Variants in MGRN1 observed in about 807,000 individuals in gnomAD.
MGRN1 encodes the protein E3 ubiquitin-protein ligase MGRN1.
MGRN1 carries 29 observed loss-of-function variants against 69.2 expected under a neutral mutation model. The ratio of observed to expected loss-of-function variants is 0.42; its 90% CI spans 0.31 to 0.57. The LOEUF is 0.57. MGRN1 is among the 20% of genes least tolerant of loss of function. MGRN1 has a pLI of 0.15. For synonymous variants in MGRN1, 470 were observed against 344.2 expected, an observed-to-expected ratio of 1.37 and a Z score of -4.04; for missense variants, 998 against 796.2, an observed-to-expected ratio of 1.25 and a Z score of -3.05.
rs143064717 is a variant in MGRN1, at chr16:4,626,458, C to A, written c.88+1410C>A. On this transcript the variant is annotated intron_variant, in intron 1 of 16. Transcript: ENST00000262370. ...TGACCTTGGTCGAGGTTGCTTAACCCCCTGGGTCCCAGTTTCCTCATCTGT... is the reference window on the plus strand; with the variant it reads ...TGACCTTGGTCGAGGTTGCTTAACCACCTGGGTCCCAGTTTCCTCATCTGT... Among the ~76,000 whole-genome samples, 473 of 152,306 alleles carry A rather than the reference C, an allele frequency of 3.1e-3. 6 individuals are homozygous for A. The highest frequency in any genetic ancestry group is 0.011 in the African/African-American group (462 of 41,564).
chr16:4,665,200 G>T (rs746345047), intron 7 of MGRN1, 49 bp downstream of exon 7: 1 of 1,606,556 alleles, frequency 6.2e-7, no homozygotes, highest in South Asian at 1.1e-5. Flanking sequence ...GAGCTGGGCA[G>T]GGGGTGGCCT....
intron 14 of MGRN1, 128 bp from the exon 15 acceptor site, chr16:4,683,096 C>T (rs1462961979): frequency 1.3e-6 from 2 of 1,505,600 alleles, no homozygotes; most frequent in Non-Finnish European, 1.8e-6. Context: ...TAGCCTCGGT[C>T]TGTGGAGGCA....
chr16:4,638,895 G>C (rs1223459836), intron 1 of MGRN1, among the ~76,000 whole-genome samples: 1 of 152,154 alleles, frequency 6.6e-6, no homozygotes, highest in African/African-American at 2.4e-5. Flanking sequence ...CTGGTGTCCC[G>C]GGTCCCTGGG....
chr16:4,632,799 A>C (rs1898077329), intron 1 of MGRN1, among the ~76,000 whole-genome samples: 1 of 152,136 alleles, frequency 6.6e-6, no homozygotes, highest in Non-Finnish European at 1.5e-5. Flanking sequence ...ACAGTCACTC[A>C]CGGCCAGGCG....
At chr16:4,655,640 G>A (rs2078520133) in intron 4 of MGRN1, among the ~76,000 whole-genome samples, 1 of 151,992 alleles carries the variant, frequency 6.6e-6, no homozygotes, top group African/African-American at 2.4e-5. Flanking sequence ...AGCAGGAACA[G>A]CTCCAGTGCC....
chr16:4,672,678 C>T (rs757613170), intron 9 of MGRN1, among the ~76,000 whole-genome samples: 12 of 152,194 alleles, frequency 7.9e-5, no homozygotes, highest in East Asian at 3.8e-4. Flanking sequence ...GTGGGTGTGG[C>T]GGTGTTCCAG....
At chr16:4,675,742 A>T (rs2079040167) in intron 10 of MGRN1, among the ~76,000 whole-genome samples, 1 of 152,154 alleles carries the variant, frequency 6.6e-6, no homozygotes, top group Non-Finnish European at 1.5e-5. Flanking sequence ...TCAAAAAAAA[A>T]AAAAAAAATT....
At chr16:4,629,992 G>A (rs1897914667) in intron 1 of MGRN1, among the ~76,000 whole-genome samples, 1 of 149,712 alleles carries the variant, frequency 6.7e-6, no homozygotes, top group Non-Finnish European at 1.5e-5. Context: ...TTGGGTTGCA[G>A]TGAGCCAAGA....
Position 4,673,674 on chromosome 16 carries a change from G to A in MGRN1, c.955+17G>A. The A allele has an allele frequency of 6.2e-7, 1 of 1,610,856 alleles. No individual in the cohort carries two copies. Among genetic ancestry groups the A allele is most frequent in the Non-Finnish European group, 8.5e-7 (1 of 1,179,142 alleles). ...GCCGGCTGCGTGAGTTCCCCGGCCG[G>A]CTGTTCTGTGGAAGGTTCTGGAAAT... On this transcript the variant is annotated intron_variant, in intron 10 of 16. Coordinates refer to ENST00000262370, the MANE Select transcript of MGRN1 (RefSeq NM_015246.4).
In MGRN1 at chr16:4,679,831, G is replaced by A. The variant is rs560824167; in HGVS notation, c.1066-201G>A. ...TCCCCACTGCAGCAGCACAGCTCCC[G>A]GGAGCTGCCGAGACGCACACATGGC... On this transcript the variant is annotated intron_variant, in intron 11 of 16. Transcript: ENST00000262370. Among the ~76,000 whole-genome samples the A allele has an allele frequency of 1.6e-3, 243 of 152,202 alleles. 3 individuals carry two copies. The highest frequency in any genetic ancestry group is 5.4e-3 in the African/African-American group (224 of 41,556).
At chr16:4,672,473 G>C in intron 9 of MGRN1, 1 of 456,720 alleles carries the variant, frequency 2.2e-6, no homozygotes, top group Non-Finnish European at 4.4e-6. Context: ...GCTCCACGTG[G>C]CGGGAGCGGA....
At chr16:4,638,130 A>G (rs1197659334) in intron 1 of MGRN1, among the ~76,000 whole-genome samples, 1 of 152,084 alleles carries the variant, frequency 6.6e-6, no homozygotes, top group African/African-American at 2.4e-5. Context: ...TTTTATCCTC[A>G]GGACGTCCTG....
At chr16:4,666,251 C>A (rs1227655046) in intron 7 of MGRN1, among the ~76,000 whole-genome samples, 1 of 152,180 alleles carries the variant, frequency 6.6e-6, no homozygotes, top group African/African-American at 2.4e-5. Flanking sequence ...ACTTCAGCCT[C>A]CCGAGTAGCT....
intron 1 of MGRN1, chr16:4,633,511 G>A (rs1200042224): frequency 6.7e-6 from 1 of 150,258 alleles, no homozygotes; most frequent in Non-Finnish European, 1.5e-5. Context: ...GACCAAGATG[G>A]AGAAGCCCCA....
At chr16:4,663,804 A>C (rs780718478) in intron 5 of MGRN1, among the ~76,000 whole-genome samples, 1 of 152,230 alleles carries the variant, frequency 6.6e-6, no homozygotes, top group East Asian at 1.9e-4. Flanking sequence ...AGAGGATGGC[A>C]CTGTGCTGGG....
rs765816998 is a variant in MGRN1, at chr16:4,674,601, CTTTTT to C, written c.955+949_955+953del. 2.3e-3 allele frequency among the ~76,000 whole-genome samples: 149 copies of C among 64,872 alleles called. 1 individual carries two copies. The highest frequency in any genetic ancestry group is 7.5e-3 in the African/African-American group (124 of 16,558). The allele number at this position is 64,872 out of a possible 152,430, so 42.6% of individuals were successfully genotyped here. A position where few individuals can be genotyped will look rare whatever the true frequency, so the allele number is the denominator to read the frequency against. On this transcript the variant is annotated intron_variant, in intron 10 of 16. Coordinates refer to ENST00000262370, the MANE Select transcript of MGRN1 (RefSeq NM_015246.4). Reference sequence around the variant, plus strand: ...CGCTTTTTTTTTTTTCTTTTCTTTTCTTTTTTTTTCTTTTCTTTTCTTTTCTTTTT... The same window carrying C: ...CGCTTTTTTTTTTTTCTTTTCTTTTCTTTTCTTTTCTTTTCTTTTCTTTTT...
chr16:4,651,983 C>A lies in MGRN1; in HGVS notation c.228C>A (p.Ala76=), dbSNP rs764330397. The change falls in exon 3 of 17, where the codon GCC becomes GCA. Residue 76 remains alanine (A), a synonymous_variant. Coordinates refer to ENST00000262370, the MANE Select transcript of MGRN1 (RefSeq NM_015246.4). ...CCTAGTTTCCCTACGTCACTCCTGCCCCCCACGAGCCCGTGAAGACGCTGC... is the reference window on the plus strand; with the variant it reads ...CCTAGTTTCCCTACGTCACTCCTGCACCCCACGAGCCCGTGAAGACGCTGC... ...RPVQFPYVTP[A]PHEPVKTLRS... The A allele has an allele frequency of 5.6e-6, 9 of 1,614,042 alleles. No individual in the cohort carries two copies. The highest frequency in any genetic ancestry group is 7.6e-6 in the Non-Finnish European group (9 of 1,179,954).
chr16:4,674,626 C>CTTTTTTTTTTTTTTTTTTTCTTTTT (rs2079015154), intron 10 of MGRN1, among the ~76,000 whole-genome samples: 1 of 47,254 alleles, frequency 2.1e-5, no homozygotes, highest in African/African-American at 8.9e-5. Context: ...CTTTTCTTTT[C>CTTTTTTTTTTTTTTTTTTTCTTTTT]TTTTTTTTTT....
At chr16:4,669,329 G>A (rs1425911498) in intron 8 of MGRN1, 1 of 151,880 alleles carries the variant, frequency 6.6e-6, no homozygotes, top group Non-Finnish European at 1.5e-5. Context: ...AGCAACTCAG[G>A]AGGATGAGGT....
Sources: allele counts gnomAD v4.1 joint callset (sites outside exome capture counted in the v4.1 genomes callset), GRCh38; gene constraint gnomAD v4.1.1; transcripts MANE v1.5; gene names NCBI Gene and HGNC (gene_info 2026-07-23, HGNC 2026-07-21).